Variants in DENND2B observed in about 807,000 individuals in gnomAD.
The protein encoded by DENND2B is DENN domain-containing protein 2B.
A neutral mutation model predicts 116.0 loss-of-function variants in DENND2B; 32 were observed. The observed-to-expected ratio is 0.28, with a 90% confidence interval of 0.21 to 0.37. DENND2B has a LOEUF of 0.37. DENND2B is among the 10% of genes least tolerant of loss of function. The pLI is 1.00. For synonymous variants in DENND2B, 588 were observed against 583.9 expected (o/e 1.01, Z -0.10); for missense variants, 1,276 against 1,477.7 (o/e 0.86, Z 2.24).
At chr11:8,825,154 A>G (rs1594122721) in intron 4 of DENND2B, among the ~76,000 whole-genome samples, 1 of 152,108 alleles carries the variant, frequency 6.6e-6, no homozygotes, top group African/African-American at 2.4e-5. Flanking sequence ...CTACATAAAC[A>G]TTCCTTTTTC....
rs1208993055 is a variant in DENND2B at position 8,730,363 on chromosome 11, G to A, written c.927C>T (p.Ser309=). 1.2e-6 allele frequency: 2 copies of A among 1,603,388 alleles called. No homozygotes were observed. The highest frequency in any genetic ancestry group is 1.1e-5 in the South Asian group (1 of 90,944). The stretch of plus-strand genomic sequence containing the variant: ...CAGTCTTCCTTTTCCCCCGGTCCAC[G>A]CTGTAGCAGCTGCTGGGGAGCTGGG... The part of the protein sequence containing the change: ...GLPQLPSSCY[S]VDRGKRKTGT... The change falls in exon 3 of 20, where the codon AGC becomes AGT. Residue 309 remains serine (S), a synonymous_variant. Coordinates refer to ENST00000313726, the MANE Select transcript of DENND2B (RefSeq NM_213618.2). The surrounding 1 kb of genome is among the most constrained non-coding windows in gnomAD (Gnocchi z 4.1).
Position 8,696,660 on chromosome 11 carries a change from T to A in DENND2B, c.3059A>T (p.Asn1020Ile), listed in dbSNP as rs1722163720. ...CTCCGACACCAGCCCATTGAGGGTATTACATTCTGGAAGGGAAAAGACAAT... is the reference window on the plus strand; with the variant it reads ...CTCCGACACCAGCCCATTGAGGGTAATACATTCTGGAAGGGAAAAGACAAT... ...DSDSDSDDEC[N>I]TLNGLVSEVF... The change falls in exon 18 of 20, where the codon AAT (asparagine) becomes ATT (isoleucine). Residue 1020 changes from asparagine (N) to isoleucine (I), a missense_variant. Coordinates refer to ENST00000313726, the MANE Select transcript of DENND2B (RefSeq NM_213618.2). 6.2e-7 allele frequency: 1 copy of A among 1,613,848 alleles called. No homozygotes were observed. The highest frequency in any genetic ancestry group is 1.3e-5 in the African/African-American group (1 of 75,020).
At chr11:8,749,808 G>C (rs2134039146) in intron 2 of DENND2B, among the ~76,000 whole-genome samples, 1 of 152,230 alleles carries the variant, frequency 6.6e-6, no homozygotes, top group Non-Finnish European at 1.5e-5. Context: ...CAGCAGAAAG[G>C]GCTATGAGAG....
upstream of DENND2B, among the ~76,000 whole-genome samples, chr11:8,815,061 G>A (rs1213232846): frequency 6.6e-6 from 1 of 151,904 alleles, no homozygotes; most frequent in Non-Finnish European, 1.5e-5. Flanking sequence ...CCCATTACCA[G>A]TGCCCACTCA....
At chr11:8,770,074 G>A (rs1262857189) in intron 1 of DENND2B, among the ~76,000 whole-genome samples, 2 of 152,208 alleles carry the variant, frequency 1.3e-5, no homozygotes, top group Admixed American at 1.3e-4. Flanking sequence ...CCCACCTTGT[G>A]TAGCTGTGAA....
rs79228982 is a variant in DENND2B, at chr11:8,877,970, G to T, written c.-156+3040C>A. ...AATAGCATACAAGAGATAAAGAGGA[G>T]GAAATATGGGAATTTGCAGAACTAG... is the stretch of plus-strand genomic sequence containing the variant. On this transcript the variant is annotated intron_variant, in intron 2 of 22. Transcript: ENST00000534127. Among the ~76,000 whole-genome samples the T allele has an allele frequency of 2.2e-4, 34 of 152,226 alleles. 1 individual carries two copies. In the East Asian group the frequency reaches 6.4e-3, roughly 28 times the overall value.
intron 1 of DENND2B, among the ~76,000 whole-genome samples, chr11:8,776,897 C>T (rs2134227174): frequency 6.6e-6 from 1 of 152,248 alleles, no homozygotes; most frequent in East Asian, 1.9e-4. Flanking sequence ...CCTGATGCTA[C>T]TTGACTACAG....
At chr11:8,863,089 G>T (rs542900179) in intron 2 of DENND2B, among the ~76,000 whole-genome samples, 2 of 151,924 alleles carry the variant, frequency 1.3e-5, no homozygotes, top group South Asian at 4.2e-4. Context: ...GCAAAAGTGG[G>T]AGGATTGCTT....
chr11:8,847,306 T>C (rs2062849853), intron 3 of DENND2B, among the ~76,000 whole-genome samples: 1 of 152,226 alleles, frequency 6.6e-6, no homozygotes, highest in South Asian at 2.1e-4. Flanking sequence ...GTTTCCCTTA[T>C]ACAAAGTCAC....
At chr11:8,901,254 G>C (rs1311851362) in intron 1 of DENND2B, among the ~76,000 whole-genome samples, 3 of 19,416 alleles carry the variant, frequency 1.5e-4, no homozygotes, top group Non-Finnish European at 2.9e-4. Context: ...TTTTGAGATG[G>C]AGTCTTGCTC....
intron 2 of DENND2B, among the ~76,000 whole-genome samples, chr11:8,862,413 T>C (rs544252007): frequency 1.0e-4 from 14 of 138,940 alleles, no homozygotes; most frequent in African/African-American, 3.7e-4. Context: ...CACTGCAATC[T>C]CAACCTCGGG....
intron 1 of DENND2B, among the ~76,000 whole-genome samples, chr11:8,767,813 G>A (rs931888413): frequency 2.0e-5 from 3 of 152,164 alleles, no homozygotes; most frequent in Admixed American, 2.0e-4. Context: ...GAGATTCCTA[G>A]ATTCTTAGAG....
At chr11:8,722,078 C>T (rs556767291) in intron 4 of DENND2B, among the ~76,000 whole-genome samples, 1 of 152,322 alleles carries the variant, frequency 6.6e-6, no homozygotes, top group Non-Finnish European at 1.5e-5. Context: ...ATGGGACAGG[C>T]GGGAAATAGC....
intron 4 of DENND2B, among the ~76,000 whole-genome samples, chr11:8,823,546 G>A (rs1594113835): frequency 6.6e-6 from 1 of 152,164 alleles, no homozygotes; most frequent in South Asian, 2.1e-4. Flanking sequence ...GGTCATGGGG[G>A]CCATTTCCCC....
intron 1 of DENND2B, among the ~76,000 whole-genome samples, chr11:8,791,688 A>C (rs543180256): frequency 1.4e-3 from 214 of 151,836 alleles, no homozygotes; most frequent in Non-Finnish European, 2.3e-3. Context: ...AATCATTTGA[A>C]CCTGGGAGGA....
chr11:8,887,517 G>A (rs2063975549), intron 1 of DENND2B, among the ~76,000 whole-genome samples: 1 of 152,124 alleles, frequency 6.6e-6, no homozygotes, highest in Admixed American at 6.5e-5. Flanking sequence ...GATAATATAT[G>A]TGTTAACTGA....
At chr11:8,827,662 G>A (rs2062031365) in intron 4 of DENND2B, among the ~76,000 whole-genome samples, 2 of 152,194 alleles carry the variant, frequency 1.3e-5, no homozygotes, top group South Asian at 4.1e-4. Context: ...AGTTGTCAGA[G>A]GCTTAGAGAC....
intron 1 of DENND2B, among the ~76,000 whole-genome samples, chr11:8,786,674 G>A (rs1278449648): frequency 6.6e-5 from 10 of 152,182 alleles, no homozygotes; most frequent in Non-Finnish European, 1.2e-4. Context: ...GCTGGGCATG[G>A]TGGTGCACCT....
rs746334355 is a variant in DENND2B at position 8,712,059 on chromosome 11, G to A, written c.2172+492C>T. On this transcript the variant is annotated intron_variant, in intron 9 of 19. Transcript: ENST00000313726. This position sits in a 1 kb window ranked among gnomAD's most constrained non-coding sequence, Gnocchi z 4.4. ...TTCCTGGCAGAGGCAATGGCAGAGA[G>A]AGAGGGGTTGAGTGTGAGAGGAAGA... The A allele has an allele frequency of 4.4e-6, 2 of 451,190 alleles. No individual in the cohort carries two copies. The highest frequency in any genetic ancestry group is 2.4e-5 in the Admixed American group (1 of 42,074). The allele number at this position is 451,190 out of a possible 1,614,324, so 27.9% of individuals were successfully genotyped here. A position where few individuals can be genotyped will look rare whatever the true frequency, so the allele number is the denominator to read the frequency against.
Sources: allele counts gnomAD v4.1 joint callset (sites outside exome capture counted in the v4.1 genomes callset), GRCh38; gene constraint gnomAD v4.1.1; non-coding constraint Gnocchi (gnomAD v3.1); transcripts MANE v1.5; gene names NCBI Gene and HGNC (gene_info 2026-07-23, HGNC 2026-07-21).